The following NUP88 variants were observed in gnomAD, a reference collection of about 807,000 sequenced individuals.
NUP88 encodes the protein nuclear pore complex protein Nup88.
NUP88 carries 57 observed loss-of-function variants against 93.9 expected under a neutral mutation model. That is an observed-to-expected ratio of 0.61 (90% confidence interval 0.49 to 0.76). The LOEUF (loss-of-function observed/expected upper bound fraction) is 0.76. Ranked by LOEUF, NUP88 falls within the 30% of genes least tolerant of loss-of-function variation. NUP88 has a pLI of 0.00. For missense variants in NUP88, 911 were observed against 901.0 expected (o/e 1.01, Z -0.14); for synonymous variants, 346 against 336.8 (o/e 1.03, Z -0.30).
At chr17:5,387,743 C>T (rs767337196) in intron 12 of NUP88, 36 bp downstream of exon 12, 3 of 1,608,592 alleles carry the variant, frequency 1.9e-6, no homozygotes, top group African/African-American at 2.7e-5. Context: ...AGCTACCAGC[C>T]AGGGATCGAT....
intron 1 of NUP88, 92 bp from the exon 2 acceptor site, chr17:5,416,774 C>A: frequency 3.1e-6 from 3 of 953,740 alleles, no homozygotes; most frequent in East Asian, 2.7e-5. Context: ...TAGTTTACTA[C>A]AATTATAGGA....
At position 5,386,092 on chromosome 17, in the gene NUP88, C is replaced by T. The variant is rs1004020488; in HGVS notation, c.*114G>A. The T allele has an allele frequency of 1.4e-6, 1 of 728,836 alleles. No homozygotes were observed. The highest frequency in any genetic ancestry group is 2.6e-5 in the Admixed American group (1 of 37,900). The allele number at this position is 728,836 out of a possible 1,614,324, so 45.1% of individuals were successfully genotyped here. On this transcript the variant is annotated 3_prime_UTR_variant, in exon 17 of 17. Coordinates refer to ENST00000573584, the MANE Select transcript of NUP88 (RefSeq NM_002532.6). ...ACAACATATTTAAAAAGATGAACCA[C>T]ACCAAAGGTCATCAAAACACCTTTT...
At chr17:5,408,616 G>C in intron 5 of NUP88, 117 bp downstream of exon 5, 1 of 722,322 alleles carries the variant, frequency 1.4e-6, no homozygotes, top group South Asian at 2.0e-5. Flanking sequence ...AGCCAAGCAT[G>C]TGAAGGCTGC....
chr17:5,404,927 G>T, intron 6 of NUP88, 130 bp downstream of exon 6: 1 of 875,076 alleles, frequency 1.1e-6, no homozygotes. Context: ...TTTTTTAACT[G>T]TTTAATTTCC....
chr17:5,418,531 C>G (rs1267776988), intron 1 of NUP88, among the ~76,000 whole-genome samples: 1 of 152,180 alleles, frequency 6.6e-6, no homozygotes, highest in Non-Finnish European at 1.5e-5. Flanking sequence ...GGACTGCAGG[C>G]GTGAGCCACC....
rs376462884 is a variant in NUP88, at chr17:5,385,699, G to A, written c.*507C>T. The A allele has an allele frequency of 4.8e-5, 11 of 231,440 alleles. No individual in the cohort carries two copies. Among genetic ancestry groups the A allele is most frequent in the East Asian group, 4.3e-4 (7 of 16,260 alleles). 14.3% of individuals were successfully genotyped at this position (231,440 alleles called of 1,614,324 possible). ...TGAGCCAGCAGTGGCCTTTGCAATT[G>A]TGGATCTTGAGCTCTGCTCTCAGCA... On this transcript the variant is annotated 3_prime_UTR_variant, in exon 17 of 17. Coordinates refer to ENST00000573584, the MANE Select transcript of NUP88 (RefSeq NM_002532.6).
chr17:5,408,673 T>G, intron 5 of NUP88, 60 bp downstream of exon 5: 1 of 1,288,796 alleles, frequency 7.8e-7, no homozygotes, highest in Non-Finnish European at 1.1e-6. Context: ...CCAGCCTCAA[T>G]GATATCTACT....
chr17:5,400,857 G>A (rs1913118188), intron 7 of NUP88, among the ~76,000 whole-genome samples: 1 of 152,052 alleles, frequency 6.6e-6, no homozygotes, highest in African/African-American at 2.4e-5. Flanking sequence ...TAGTTTCAAA[G>A]GTTATTTTCA....
chr17:5,418,973 A>G (rs544238519), intron 1 of NUP88, among the ~76,000 whole-genome samples: 1 of 152,278 alleles, frequency 6.6e-6, no homozygotes, highest in African/African-American at 2.4e-5. Flanking sequence ...CTGCAACCTG[A>G]CTTGCTGTGC....
At chr17:5,389,911 A>G (rs940043440) in intron 10 of NUP88, among the ~76,000 whole-genome samples, 9 of 151,982 alleles carry the variant, frequency 5.9e-5, no homozygotes, top group Non-Finnish European at 1.2e-4. Context: ...CATGCCTGTA[A>G]TCCCAGCACT....
chr17:5,416,571 G>T lies in NUP88; in HGVS notation c.409C>A (p.Pro137Thr). ...GIKGLMVLELPKRWGKNSEFE... is the reference protein window; with the variant it reads ...GIKGLMVLELTKRWGKNSEFE... ...TCAGAATTCTTCCCCCATCTTTTAGGTAATTCTAATACCATAAGTCCTTTT... is the reference window on the plus strand; with the variant it reads ...TCAGAATTCTTCCCCCATCTTTTAGTTAATTCTAATACCATAAGTCCTTTT... Residue 137 changes from proline to threonine, a missense_variant, in exon 2 of 17, where the codon CCT becomes ACT. Transcript: ENST00000573584. 6.2e-7 allele frequency: 1 copy of T among 1,611,722 alleles called. No individual in the cohort carries two copies. The highest frequency in any genetic ancestry group is 8.5e-7 in the Non-Finnish European group (1 of 1,179,134).
chr17:5,401,762 T>C (rs1266942734), intron 7 of NUP88, among the ~76,000 whole-genome samples: 1 of 152,238 alleles, frequency 6.6e-6, no homozygotes, highest in Non-Finnish European at 1.5e-5. Flanking sequence ...ATTGTTAAAA[T>C]GGCTTTTCAA....
Position 5,387,883 on chromosome 17 carries a change from G to A in NUP88, c.1665C>T (p.Ala555=), listed in dbSNP as rs1912136129. The change falls in exon 12 of 17, where the codon GCC becomes GCT. Residue 555 remains alanine (A), a synonymous_variant. Coordinates refer to ENST00000573584, the MANE Select transcript of NUP88 (RefSeq NM_002532.6). ...AFLKASEKDI[A]PPPEECLQLL... ...GCTGAAGGCATTCTTCAGGAGGAGG[G>A]GCTATGTCCTTTTCAGAAGCTCTTA... 1 of 1,613,486 alleles carries A rather than the reference G, an allele frequency of 6.2e-7. No individual in the cohort carries two copies. Among genetic ancestry groups the A allele is most frequent in the Non-Finnish European group, 8.5e-7 (1 of 1,179,654 alleles).
intron 5 of NUP88, among the ~76,000 whole-genome samples, chr17:5,407,066 ACCACAAAAT>A (rs1348551814): frequency 6.6e-6 from 1 of 152,184 alleles, no homozygotes; most frequent in Non-Finnish European, 1.5e-5. Flanking sequence ...TACTAAAGTT[ACCACAAAAT>A]CCTCCTGAGA....
In NUP88 at chr17:5,419,546, A is replaced by T. The variant is rs967195883; in HGVS notation, c.105T>A (p.Ser35Arg). 11 of 1,613,138 alleles carry T rather than the reference A, an allele frequency of 6.8e-6. 1 individual carries two copies. The African/African-American group carries it at 1.5e-4, about 22-fold the overall frequency. Residue 35 changes from serine to arginine, a missense_variant, in exon 1 of 17, where the codon AGT (serine) becomes AGA (arginine). Physicochemically the swap from Ser to Arg is moderately radical, Grantham distance 110 (BLOSUM62 -1). Transcript: ENST00000573584. The part of the protein sequence containing the change: ...LRLREGLKNQ[S>R]PTEAEKPASS... Reference sequence around the variant, plus strand: ...AAGCTGGTTTCTCAGCTTCGGTTGGACTCTGGTTTTTCAGTCCCTCCCGGA... The same window carrying T: ...AAGCTGGTTTCTCAGCTTCGGTTGGTCTCTGGTTTTTCAGTCCCTCCCGGA...
intron 1 of NUP88, among the ~76,000 whole-genome samples, chr17:5,418,416 G>A (rs1244381419): frequency 1.3e-5 from 2 of 151,912 alleles, no homozygotes; most frequent in East Asian, 2.0e-4. Context: ...ACTACACCTG[G>A]CTAATTTTTG....
chr17:5,407,569 G>A (rs112861047), intron 5 of NUP88, among the ~76,000 whole-genome samples: 2 of 152,196 alleles, frequency 1.3e-5, no homozygotes, highest in African/African-American at 4.8e-5. Context: ...TTCTTATCCT[G>A]TATAGACTCT....
At chr17:5,397,975 TC>T (rs1184018996) in intron 8 of NUP88, among the ~76,000 whole-genome samples, 1 of 114,532 alleles carries the variant, frequency 8.7e-6, no homozygotes, top group Non-Finnish European at 1.8e-5. Context: ...TGATCTCGAC[TC>T]GAATACAGCA....
chr17:5,396,484 G>GA (rs1912783623), intron 8 of NUP88, among the ~76,000 whole-genome samples: 2 of 152,228 alleles, frequency 1.3e-5, no homozygotes, highest in Middle Eastern at 3.4e-3. Flanking sequence ...TTTCATTGTT[G>GA]AATAATACTC....
Sources: allele counts gnomAD v4.1 joint callset (sites outside exome capture counted in the v4.1 genomes callset), GRCh38; gene constraint gnomAD v4.1.1; transcripts MANE v1.5; gene names NCBI Gene and HGNC (gene_info 2026-07-23, HGNC 2026-07-21).